The following GPC5 variants were observed in gnomAD, a reference collection of about 807,000 sequenced individuals.
The protein encoded by GPC5 is glypican 5, also known as glypican-5.
Under a neutral mutation model 53.9 loss-of-function variants are expected in GPC5, and 47 were observed. The ratio of observed to expected loss-of-function variants is 0.87; its 90% CI spans 0.69 to 1.11. GPC5 has a LOEUF of 1.11. Among genes scored for constraint, GPC5 ranks in the 50% most tolerant of loss-of-function variants. GPC5 has a pLI of 0.00. For synonymous variants in GPC5, 286 were observed against 263.3 expected, an observed-to-expected ratio of 1.09 and a Z score of -0.84; for missense variants, 748 against 713.1, an observed-to-expected ratio of 1.05 and a Z score of -0.56.
At chr13:91,539,615 A>T (rs2029866758) in intron 2 of GPC5, among the ~76,000 whole-genome samples, 1 of 152,140 alleles carries the variant, frequency 6.6e-6, no homozygotes, top group African/African-American at 2.4e-5. Flanking sequence ...CCTACCCTAG[A>T]GCCACATGTG....
In GPC5 at chr13:91,859,408, A is replaced by T. The variant is rs190855017; in HGVS notation, c.1281-48529A>T. 4.1e-4 allele frequency among the ~76,000 whole-genome samples: 62 copies of T among 152,046 alleles called. 1 individual carries two copies. The East Asian group carries it at 0.01, about 26-fold the overall frequency. On this transcript the variant is annotated intron_variant, in intron 5 of 7. Transcript: ENST00000377067. ...TAATTTCTTTGTGGAACTTCTAAGG[A>T]TCATTAGAGGCTACTATGAGCAACC...
chr13:92,188,231 G>C (rs182002518), intron 7 of GPC5, among the ~76,000 whole-genome samples: 4 of 152,296 alleles, frequency 2.6e-5, no homozygotes, highest in African/African-American at 9.6e-5. Flanking sequence ...CTTCCATGCA[G>C]TTCCAAATGT....
intron 2 of GPC5, among the ~76,000 whole-genome samples, chr13:91,572,346 T>C (rs1167305585): frequency 6.6e-6 from 1 of 152,002 alleles, no homozygotes; most frequent in African/African-American, 2.4e-5. Flanking sequence ...AAGGACAGTC[T>C]GTATCTGTTC....
chr13:91,618,792 T>C (rs1541137), intron 2 of GPC5, among the ~76,000 whole-genome samples: 148,656 of 152,104 alleles, frequency 0.98, 72,729 homozygotes, highest in East Asian at 1. Flanking sequence ...TTTTCAGCCT[T>C]AGCTTCCTAA....
intron 7 of GPC5, among the ~76,000 whole-genome samples, chr13:92,242,232 CA>C (rs752173365): frequency 0.022 from 1,796 of 81,850 alleles, 10 homozygotes; most frequent in East Asian, 0.077. Flanking sequence ...GACTCTGTCT[CA>C]AAAAAAAAAA....
intron 3 of GPC5, among the ~76,000 whole-genome samples, chr13:91,719,254 C>A (rs1470077192): frequency 3.3e-5 from 5 of 152,220 alleles, no homozygotes; most frequent in Non-Finnish European, 7.3e-5. Context: ...CTGACTGCTG[C>A]CAAAGTCTTG....
At chr13:92,286,530 A>T (rs542888911) in intron 7 of GPC5, among the ~76,000 whole-genome samples, 1 of 152,186 alleles carries the variant, frequency 6.6e-6, no homozygotes, top group East Asian at 1.9e-4. Context: ...TGTGGCACAT[A>T]TACACCATGG....
chr13:92,854,145 G>A (rs1290286022), intron 7 of GPC5, among the ~76,000 whole-genome samples: 1 of 150,488 alleles, frequency 6.6e-6, no homozygotes, highest in Non-Finnish European at 1.5e-5. Flanking sequence ...TCTTATGTGA[G>A]CTTTAATTTA....
intron 7 of GPC5, among the ~76,000 whole-genome samples, chr13:92,358,339 C>A (rs2043539408): frequency 9.0e-6 from 1 of 111,168 alleles, no homozygotes; most frequent in Non-Finnish European, 1.7e-5. Flanking sequence ...GGAACAGACC[C>A]TGTGGCTGCT....
chr13:92,735,569 A>C lies in GPC5; in HGVS notation c.1562-130713A>C, dbSNP rs937252104. On this transcript the variant is annotated intron_variant, in intron 7 of 7. Coordinates refer to ENST00000377067, the MANE Select transcript of GPC5 (RefSeq NM_004466.6). ...ATATTCTGAAATGCTTTTAAACTACAAAGAGCTATGCAAAGGGTAGGATTC... is the reference window on the plus strand; with the variant it reads ...ATATTCTGAAATGCTTTTAAACTACCAAGAGCTATGCAAAGGGTAGGATTC... Among the ~76,000 whole-genome samples, 3 of 152,004 alleles carry C rather than the reference A, an allele frequency of 2.0e-5. No individual in the cohort carries two copies. In the Admixed American group the frequency reaches 2.0e-4, roughly 10 times the overall value.
chr13:91,776,470 G>T (rs2037712626), intron 5 of GPC5, among the ~76,000 whole-genome samples: 1 of 152,130 alleles, frequency 6.6e-6, no homozygotes, highest in Non-Finnish European at 1.5e-5. Context: ...TTGAAGACTG[G>T]CCACAGCTAA....
intron 2 of GPC5, among the ~76,000 whole-genome samples, chr13:91,680,991 A>C (rs1340675815): frequency 6.6e-6 from 1 of 152,150 alleles, no homozygotes; most frequent in East Asian, 1.9e-4. Context: ...TAAAATAATT[A>C]TCAGTTTTTT....
At chr13:91,580,212 G>C (rs1216037687) in intron 2 of GPC5, among the ~76,000 whole-genome samples, 1 of 151,936 alleles carries the variant, frequency 6.6e-6, no homozygotes, top group Admixed American at 6.6e-5. Flanking sequence ...CACCATGCCT[G>C]GCTATTTCTT....
chr13:92,329,753 CCATGGTGAT>C, intron 7 of GPC5, among the ~76,000 whole-genome samples: 1 of 152,026 alleles, frequency 6.6e-6, no homozygotes, highest in Non-Finnish European at 1.5e-5. Context: ...GGCAAGAAAA[CCATGGTGAT>C]AGGATTCTAT....
intron 7 of GPC5, among the ~76,000 whole-genome samples, chr13:92,662,949 C>T (rs868746626): frequency 2.6e-5 from 4 of 152,148 alleles, no homozygotes; most frequent in Non-Finnish European, 1.5e-5. Context: ...GAATTTTTCT[C>T]TTAGGTTCTG....
intron 2 of GPC5, among the ~76,000 whole-genome samples, chr13:91,649,716 C>T (rs2034649861): frequency 6.6e-6 from 1 of 152,148 alleles, no homozygotes; most frequent in Non-Finnish European, 1.5e-5. Context: ...TATAGCATCT[C>T]TGTAGCATGA....
chr13:92,045,698 G>A (rs2040976683), intron 6 of GPC5, among the ~76,000 whole-genome samples: 1 of 152,148 alleles, frequency 6.6e-6, no homozygotes, highest in Admixed American at 6.5e-5. Context: ...CACTAGAGAA[G>A]ATGTATTGTT....
At chr13:92,324,853 T>C (rs2043239776) in intron 7 of GPC5, among the ~76,000 whole-genome samples, 1 of 151,922 alleles carries the variant, frequency 6.6e-6, no homozygotes, top group African/African-American at 2.4e-5. Context: ...GAGATGGACT[T>C]CGACCAAGAT....
intron 6 of GPC5, among the ~76,000 whole-genome samples, chr13:92,038,348 CTAGATAGATAGA>C (rs76013713): frequency 0.44 from 60,594 of 138,982 alleles, 13,905 homozygotes; most frequent in East Asian, 0.78. Flanking sequence ...ATGATCTATG[CTAGATAGATAGA>C]TAGATAGATA....
Sources: allele counts gnomAD v4.1 joint callset (sites outside exome capture counted in the v4.1 genomes callset), GRCh38; gene constraint gnomAD v4.1.1; transcripts MANE v1.5; gene names NCBI Gene and HGNC (gene_info 2026-07-23, HGNC 2026-07-21).